Variants in CLTA observed in about 807,000 individuals in gnomAD.
CLTA encodes clathrin, light polypeptide (Lca).
In CLTA, 9 loss-of-function variants were observed where a neutral mutation model predicts 26.9. The observed-to-expected ratio is 0.33, with a 90% CI of 0.20 to 0.58. The LOEUF (loss-of-function observed/expected upper bound fraction) is 0.58. CLTA is among the 20% of genes least tolerant of loss of function. The pLI is 0.85. For synonymous variants in CLTA, 120 were observed against 115.5 expected (o/e 1.04, Z -0.25); for missense variants, 278 against 294.2 (o/e 0.94, Z 0.40).
chr9:36,210,910 G>T (rs535273634), intron 4 of CLTA, among the ~76,000 whole-genome samples: 1 of 152,304 alleles, frequency 6.6e-6, no homozygotes, highest in Admixed American at 6.5e-5. Context: ...ACTGGGGGTG[G>T]GCTGACCTTG....
chr9:36,210,067 G>C (rs1827951799), intron 4 of CLTA, among the ~76,000 whole-genome samples: 1 of 151,890 alleles, frequency 6.6e-6, no homozygotes, highest in Admixed American at 6.5e-5. Flanking sequence ...ATCTTCTCTG[G>C]AGAAGGTGTT....
At chr9:36,205,755 GTTTTTTTT>G (rs746587996) in intron 4 of CLTA, among the ~76,000 whole-genome samples, 3 of 94,006 alleles carry the variant, frequency 3.2e-5, no homozygotes, top group African/African-American at 1.2e-4. Context: ...AATGACACCT[GTTTTTTTT>G]TTTTTTTTTT....
intron 2 of CLTA, 40 bp from the exon 3 acceptor site, chr9:36,198,938 AT>A: frequency 1.4e-6 from 2 of 1,400,708 alleles, no homozygotes; most frequent in Non-Finnish European, 2.0e-6. Flanking sequence ...TTAGGAAGGA[AT>A]TTTTGGTATT....
intron 4 of CLTA, among the ~76,000 whole-genome samples, chr9:36,210,022 G>A (rs1827945246): frequency 6.6e-6 from 1 of 152,122 alleles, no homozygotes; most frequent in African/African-American, 2.4e-5. Context: ...GGGCCACTTG[G>A]GCTTCTCCCC....
chr9:36,208,094 T>A (rs1417590036), intron 4 of CLTA, among the ~76,000 whole-genome samples: 1 of 152,200 alleles, frequency 6.6e-6, no homozygotes, highest in African/African-American at 2.4e-5. Context: ...TGCCTTCAAA[T>A]AAGTATGTGA....
rs1828076511 is a variant in CLTA at position 36,211,994 on chromosome 9, C to T, written c.*220C>T. 1.5e-6 allele frequency: 1 copy of T among 683,716 alleles called. No individual in the cohort carries two copies. Among genetic ancestry groups the T allele is most frequent in the African/African-American group, 1.8e-5 (1 of 56,756 alleles). 42.4% of individuals were successfully genotyped at this position (683,716 alleles called of 1,614,324 possible). The stretch of plus-strand genomic sequence containing the variant: ...GGAAGAGGAAGGGGAGGGAAGCTTC[C>T]CAAGAGTAGCCTCAACCTGTGCTTC... On this transcript the variant is annotated 3_prime_UTR_variant, in exon 5 of 5. Coordinates refer to ENST00000345519, the MANE Select transcript of CLTA (RefSeq NM_001833.4).
chr9:36,210,562 A>G (rs1476780964), intron 4 of CLTA: 2 of 1,612,898 alleles, frequency 1.2e-6, no homozygotes, highest in East Asian at 2.2e-5. Context: ...CATTGAGCTC[A>G]TTCTCATTTT....
At chr9:36,191,297 GC>G (rs896245072) in intron 1 of CLTA, 24 bp downstream of exon 1, 1 of 1,489,746 alleles carries the variant, frequency 6.7e-7, no homozygotes, top group African/African-American at 1.4e-5. Context: ...CGCGTTTGGG[GC>G]GAGAGGACTT....
At chr9:36,196,420 C>T (rs891497343) in intron 1 of CLTA, among the ~76,000 whole-genome samples, 1 of 148,794 alleles carries the variant, frequency 6.7e-6, no homozygotes, top group Admixed American at 6.7e-5. Context: ...GATCTTGGCT[C>T]ACTGCAACCT....
At chr9:36,206,696 A>G (rs1309077911) in intron 4 of CLTA, among the ~76,000 whole-genome samples, 2 of 152,012 alleles carry the variant, frequency 1.3e-5, no homozygotes. Context: ...GGAGTTTGAG[A>G]CCAGCCTGCC....
At chr9:36,201,975 G>A (rs1827440790) in intron 3 of CLTA, among the ~76,000 whole-genome samples, 2 of 152,016 alleles carry the variant, frequency 1.3e-5, no homozygotes, top group African/African-American at 4.8e-5. Flanking sequence ...GCTGGGGGTT[G>A]TGGTGCACGC....
intron 1 of CLTA, among the ~76,000 whole-genome samples, chr9:36,194,602 G>A (rs891684453): frequency 6.6e-6 from 1 of 152,214 alleles, no homozygotes; most frequent in African/African-American, 2.4e-5. Flanking sequence ...AATGGCTCAA[G>A]TGCAGCTTCA....
In CLTA at chr9:36,191,263, G is replaced by T. The variant is rs1235231443; in HGVS notation, c.207G>T (p.Pro69=). ...APGPQPHGEP[P]GGPDAVDGVM... Reference sequence around the variant, plus strand: ...GGCCCCAGCCGCACGGCGAGCCGCCGGGGGGTCCGGGTGAGAGTGCGGGCG... The same window carrying T: ...GGCCCCAGCCGCACGGCGAGCCGCCTGGGGGTCCGGGTGAGAGTGCGGGCG... Residue 69 remains proline (P), a synonymous_variant, in exon 1 of 5, where the codon CCG becomes CCT. Coordinates refer to ENST00000345519, the MANE Select transcript of CLTA (RefSeq NM_001833.4). 2.0e-6 allele frequency: 3 copies of T among 1,522,896 alleles called. No individual in the cohort carries two copies. The highest frequency in any genetic ancestry group is 2.6e-6 in the Non-Finnish European group (3 of 1,140,476). 94.3% of individuals were successfully genotyped at this position (1,522,896 alleles called of 1,614,324 possible).
Position 36,191,131 on chromosome 9 carries a change from C to T in CLTA, c.75C>T (p.Gly25=), listed in dbSNP as rs761150114. 2 of 1,600,314 alleles carry T rather than the reference C, an allele frequency of 1.2e-6. No homozygotes were observed. The highest frequency in any genetic ancestry group is 1.7e-5 in the Admixed American group (1 of 58,934). ...GGPALGNGVA[G]AGEEDPAAAF... is the part of the protein sequence containing the mutation. The stretch of plus-strand genomic sequence containing the variant: ...CCGCGCTGGGGAACGGAGTGGCCGG[C>T]GCCGGCGAAGAAGACCCGGCTGCGG... Residue 25 remains glycine (G), a synonymous_variant, in exon 1 of 5, where the codon GGC becomes GGT. Transcript: ENST00000345519.
intron 3 of CLTA, among the ~76,000 whole-genome samples, chr9:36,200,085 C>T (rs1827315559): frequency 6.6e-6 from 1 of 152,222 alleles, no homozygotes; most frequent in South Asian, 2.1e-4. Context: ...CGTGGAGTGT[C>T]ACCTGTTGGT....
intron 3 of CLTA, 71 bp from the exon 4 acceptor site, chr9:36,203,997 A>G (rs1827574890): frequency 3.8e-6 from 6 of 1,589,744 alleles, no homozygotes; most frequent in Non-Finnish European, 5.1e-6. Context: ...CAGCAAGACC[A>G]AAATAAACTG....
intron 1 of CLTA, among the ~76,000 whole-genome samples, chr9:36,195,452 C>T (rs993620563): frequency 2.6e-5 from 4 of 151,242 alleles, no homozygotes; most frequent in African/African-American, 7.3e-5. Context: ...AATCAGGTGT[C>T]GGGTATGTGA....
At chr9:36,195,962 C>T (rs938067322) in intron 1 of CLTA, among the ~76,000 whole-genome samples, 13 of 149,624 alleles carry the variant, frequency 8.7e-5, no homozygotes, top group African/African-American at 2.2e-4. Flanking sequence ...CGTGAGACTC[C>T]GTCTCAAAAA....
chr9:36,198,688 C>A (rs1300562093), intron 2 of CLTA, among the ~76,000 whole-genome samples: 4 of 147,068 alleles, frequency 2.7e-5, no homozygotes, highest in Non-Finnish European at 6.0e-5. Context: ...CCCGTCCCCC[C>A]TTCCCCCACC....
Sources: gnomAD v4.1 joint callset for allele counts (sites outside exome capture counted in the v4.1 genomes callset) on GRCh38, gnomAD v4.1.1 for gene constraint, MANE v1.5 for transcripts, NCBI Gene and HGNC (gene_info 2026-07-23, HGNC 2026-07-21) for gene names.